AASS: variants seen among roughly 807,000 people sequenced by gnomAD.
The protein encoded by AASS is alpha-aminoadipic semialdehyde synthase, mitochondrial.
In AASS, 86 loss-of-function variants were observed where a neutral mutation model predicts 105.4. The observed-to-expected ratio is 0.82, with a 90% CI of 0.69 to 0.98. The LOEUF (loss-of-function observed/expected upper bound fraction) is 0.98. Ranked by LOEUF, AASS falls within the 50% of genes least tolerant of loss-of-function variation. The probability of loss-of-function intolerance (pLI) is 0.00; values close to 1 mark genes in which losing one functional copy is unlikely to be tolerated. For synonymous variants in AASS, 381 were observed against 394.8 expected, an observed-to-expected ratio of 0.96 and a Z score of 0.41; for missense variants, 1,048 against 1,143.2, an observed-to-expected ratio of 0.92 and a Z score of 1.20.
chr7:122,126,565 C>T, intron 3 of AASS, 106 bp from the exon 4 acceptor site: 3 of 956,272 alleles, frequency 3.1e-6, no homozygotes, highest in Non-Finnish European at 3.4e-6. Flanking sequence ...CTCTGAAATA[C>T]ACCTTAACTT....
intron 18 of AASS, among the ~76,000 whole-genome samples, chr7:122,089,898 T>A (rs944530947): frequency 2.0e-5 from 3 of 152,190 alleles, no homozygotes; most frequent in Non-Finnish European, 4.4e-5. Flanking sequence ...TTGTCCTGCC[T>A]TCACATGTTA....
chr7:122,076,640 A>G (rs1460631040), intron 23 of AASS, 33 bp from the exon 24 acceptor site: 1 of 1,465,298 alleles, frequency 6.8e-7, no homozygotes, highest in Non-Finnish European at 9.6e-7. Flanking sequence ...TTACCATTTC[A>G]AAGGTTGTGT....
In AASS at chr7:122,113,221, C is replaced by A. The variant is rs1395015169; in HGVS notation, c.1175G>T (p.Gly392Val). ...AATGGAACACATCAGGATCCCCGAGCCTTCAACACTAAAAGCAGCAATGTG... is the reference window on the plus strand; with the variant it reads ...AATGGAACACATCAGGATCCCCGAGACTTCAACACTAAAAGCAGCAATGTG... The part of the protein sequence containing the change: ...DQHIIHDSVE[G>V]SGILMCSIDN... The change falls in exon 11 of 24, where the codon GGC becomes GTC. Residue 392 changes from glycine to valine, a missense_variant. Physicochemically the swap from Gly to Val is moderately radical, Grantham distance 109. Coordinates refer to ENST00000417368, the MANE Select transcript of AASS (RefSeq NM_005763.4). 2 of 1,613,842 alleles carry A rather than the reference C, an allele frequency of 1.2e-6. No homozygotes were observed. Among genetic ancestry groups the A allele is most frequent in the Non-Finnish European group, 1.7e-6 (2 of 1,179,822 alleles).
chr7:122,139,430 G>T (rs1480728655), intron 1 of AASS, among the ~76,000 whole-genome samples: 1 of 152,036 alleles, frequency 6.6e-6, no homozygotes, highest in African/African-American at 2.4e-5. Flanking sequence ...GTCAAAGTGG[G>T]ACTGATAGAA....
intron 23 of AASS, 119 bp from the exon 24 acceptor site, chr7:122,076,726 A>G: frequency 1.3e-6 from 1 of 772,652 alleles, no homozygotes; most frequent in African/African-American, 1.7e-5. Context: ...AGGCCTAGGC[A>G]TTTTTTAAGT....
At chr7:122,079,237 A>G in intron 21 of AASS, 8 of 1,366,848 alleles carry the variant, frequency 5.9e-6, no homozygotes, top group Non-Finnish European at 7.5e-6. Flanking sequence ...TTTATAGGTT[A>G]GTTCTCCAAC....
chr7:122,093,324 T>G (rs938152022), intron 15 of AASS, among the ~76,000 whole-genome samples, 166 bp from the exon 16 acceptor site: 1 of 152,210 alleles, frequency 6.6e-6, no homozygotes, highest in African/African-American at 2.4e-5. Flanking sequence ...TTAGTTCAGC[T>G]GCTACAGAGG....
chr7:122,133,494 A>G (rs1162576539), intron 2 of AASS, 23 bp downstream of exon 2: 13 of 1,612,802 alleles, frequency 8.1e-6, no homozygotes, highest in African/African-American at 1.3e-5. Context: ...TTATTCTCAC[A>G]TAAAAATATT....
At chr7:122,100,457 C>T (rs1383099702) in intron 13 of AASS, among the ~76,000 whole-genome samples, 3 of 151,898 alleles carry the variant, frequency 2.0e-5, no homozygotes, top group Non-Finnish European at 4.4e-5. Context: ...GTATATTTCA[C>T]TGACACATTA....
At chr7:122,088,722 G>A (rs974644539) in intron 18 of AASS, among the ~76,000 whole-genome samples, 15 of 151,996 alleles carry the variant, frequency 9.9e-5, no homozygotes, top group Non-Finnish European at 1.8e-4. Flanking sequence ...ATCTTAAAGC[G>A]ATGTTTGCAG....
In AASS at chr7:122,124,546, G is replaced by C. The variant is rs1421308915; in HGVS notation, c.472+1829C>G. ...GATCTGCCCTCTTCGGCCTCCCGAA[G>C]TGCTGGGATTACAGGTGTGAGCCAC... On this transcript the variant is annotated intron_variant, in intron 4 of 23. Transcript: ENST00000417368. Among the ~76,000 whole-genome samples the C allele has an allele frequency of 2.0e-5, 3 of 152,216 alleles. No homozygotes were observed. In the East Asian group the frequency reaches 5.8e-4, roughly 29 times the overall value.
chr7:122,120,682 G>T (rs1198294028), intron 4 of AASS, among the ~76,000 whole-genome samples: 1 of 151,858 alleles, frequency 6.6e-6, no homozygotes, highest in African/African-American at 2.4e-5. Flanking sequence ...TCTAATAAAA[G>T]AATTAAATGC....
chr7:122,112,469 G>A (rs1189950336), intron 11 of AASS, among the ~76,000 whole-genome samples: 5 of 152,174 alleles, frequency 3.3e-5, no homozygotes, highest in Admixed American at 2.6e-4. Context: ...TTTAGTGTAA[G>A]AGCTTATGAG....
At chr7:122,106,615 A>G (rs1389026663) in intron 11 of AASS, among the ~76,000 whole-genome samples, 1 of 152,112 alleles carries the variant, frequency 6.6e-6, no homozygotes, top group East Asian at 1.9e-4. Context: ...ATCTTCAACC[A>G]TCTGATCTTC....
intron 4 of AASS, among the ~76,000 whole-genome samples, chr7:122,125,585 G>A (rs530891392): frequency 2.0e-5 from 3 of 152,254 alleles, no homozygotes; most frequent in Admixed American, 6.5e-5. Flanking sequence ...CTATTGGCTA[G>A]CAACTTAGAA....
intron 11 of AASS, among the ~76,000 whole-genome samples, chr7:122,111,686 G>A (rs1225268562): frequency 7.9e-5 from 12 of 151,972 alleles, no homozygotes; most frequent in African/African-American, 2.7e-4. Context: ...GGTGGATCAC[G>A]AGGTCAGGAG....
chr7:122,117,270 T>A (rs2150537768), intron 6 of AASS, among the ~76,000 whole-genome samples: 1 of 152,348 alleles, frequency 6.6e-6, no homozygotes, highest in South Asian at 2.1e-4. Context: ...ATTGCAGAAA[T>A]TATTTCAAAT....
chr7:122,083,503 T>G (rs2150510154), intron 19 of AASS, among the ~76,000 whole-genome samples: 1 of 151,850 alleles, frequency 6.6e-6, no homozygotes, highest in Admixed American at 6.6e-5. Flanking sequence ...GCCACAGAGA[T>G]GAAAAAATTG....
In AASS at chr7:122,074,633, C is replaced by T. The variant is rs144865577; in HGVS notation, c.*1856G>A. Among the ~76,000 whole-genome samples the T allele has an allele frequency of 6.6e-6, 1 of 152,212 alleles. No individual in the cohort carries two copies. Among genetic ancestry groups the T allele is most frequent in the East Asian group, 1.9e-4 (1 of 5,180 alleles). On this transcript the variant is annotated 3_prime_UTR_variant, in exon 24 of 24. Coordinates refer to ENST00000417368, the MANE Select transcript of AASS (RefSeq NM_005763.4). ...CTCTTACATTTAGATCTTAGGTCAACTTTGAGTTAATTTTTATATGCAATA... is the reference window on the plus strand; with the variant it reads ...CTCTTACATTTAGATCTTAGGTCAATTTTGAGTTAATTTTTATATGCAATA...
Sources: gnomAD v4.1 joint callset for allele counts (sites outside exome capture counted in the v4.1 genomes callset) on GRCh38, gnomAD v4.1.1 for gene constraint, MANE v1.5 for transcripts, NCBI Gene and HGNC (gene_info 2026-07-23, HGNC 2026-07-21) for gene names.